The following XKR6 variants were observed in gnomAD, a reference collection of about 807,000 sequenced individuals.
XKR6 encodes the protein XK-related protein 6.
Under a neutral mutation model 56.7 loss-of-function variants are expected in XKR6, and 22 were observed. That is an observed-to-expected ratio of 0.39 (90% CI 0.28 to 0.55). The LOEUF (loss-of-function observed/expected upper bound fraction) is 0.55, where lower values mean the gene tolerates loss of function less well. Ranked by LOEUF, XKR6 falls within the 20% of genes least tolerant of loss-of-function variation. The probability of loss-of-function intolerance (pLI) is 0.66; values close to 1 mark genes in which losing one functional copy is unlikely to be tolerated. For missense variants in XKR6, 852 were observed against 889.0 expected, an observed-to-expected ratio of 0.96 and a Z score of 0.53; for synonymous variants, 524 against 387.8, an observed-to-expected ratio of 1.35 and a Z score of -4.13.
chr8:10,987,427 C>A (rs1483613593), intron 1 of XKR6, among the ~76,000 whole-genome samples: 1 of 152,212 alleles, frequency 6.6e-6, no homozygotes, highest in African/African-American at 2.4e-5. Flanking sequence ...TTTGAATTCT[C>A]TCTCACACAC....
chr8:11,177,864 T>C (rs146561626), intron 1 of XKR6, among the ~76,000 whole-genome samples: 1 of 152,312 alleles, frequency 6.6e-6, no homozygotes, highest in Non-Finnish European at 1.5e-5. Flanking sequence ...ACCCAGTTCC[T>C]GCGATTAAAT....
chr8:11,169,754 T>C (rs928584717), intron 1 of XKR6, among the ~76,000 whole-genome samples: 4 of 152,350 alleles, frequency 2.6e-5, no homozygotes, highest in African/African-American at 9.6e-5. Flanking sequence ...GCCAGTGAAC[T>C]GTACACTTTA....
At position 11,200,646 on chromosome 8, in the gene XKR6, G is replaced by T; in HGVS notation, c.694C>A (p.Arg232Ser). Residue 232 changes from arginine (R) to serine (S), a missense_variant, in exon 1 of 3, where the codon CGC becomes AGC. Transcript: ENST00000416569. The surrounding 1 kb of genome is among the most constrained non-coding windows in gnomAD (Gnocchi z 6.4). ...VRVSPTPGAQ[R>S]LCRLSVWIWQ... is the part of the protein sequence containing the mutation. Reference sequence around the variant, plus strand: ...ATCCACACGGAGAGGCGACACAGGCGCTGCGCCCCCGGCGTGGGGGAGACC... The same window carrying T: ...ATCCACACGGAGAGGCGACACAGGCTCTGCGCCCCCGGCGTGGGGGAGACC... The T allele has an allele frequency of 6.4e-7, 1 of 1,551,690 alleles. No individual in the cohort carries two copies. The highest frequency in any genetic ancestry group is 8.6e-7 in the Non-Finnish European group (1 of 1,159,800).
At position 11,080,276 on chromosome 8, in the gene XKR6, G is replaced by A. The variant is rs944294365; in HGVS notation, c.764+120300C>T. On this transcript the variant is annotated intron_variant, in intron 1 of 2. Transcript: ENST00000416569. ...AGAGCTTCAAGCAAACGAACACAGAGAGATCTCTTCTCACACAATTTGTCC... is the reference window on the plus strand; with the variant it reads ...AGAGCTTCAAGCAAACGAACACAGAAAGATCTCTTCTCACACAATTTGTCC... Among the ~76,000 whole-genome samples, 2 of 152,026 alleles carry A rather than the reference G, an allele frequency of 1.3e-5. 1 individual carries two copies. The highest frequency in any genetic ancestry group is 1.3e-4 in the Admixed American group (2 of 15,260).
intron 1 of XKR6, among the ~76,000 whole-genome samples, chr8:11,122,509 T>C (rs1347238734): frequency 6.6e-6 from 1 of 152,252 alleles, no homozygotes; most frequent in Non-Finnish European, 1.5e-5. Context: ...ACAATTACTG[T>C]CACTGCTGAC....
intron 1 of XKR6, among the ~76,000 whole-genome samples, chr8:11,158,567 T>C (rs1232854579): frequency 6.6e-6 from 1 of 152,186 alleles, no homozygotes; most frequent in African/African-American, 2.4e-5. Context: ...TTTACTTCAT[T>C]AGTCGCCATT....
intron 1 of XKR6, among the ~76,000 whole-genome samples, chr8:11,150,288 A>T (rs1211576762): frequency 6.6e-6 from 1 of 152,194 alleles, no homozygotes; most frequent in Non-Finnish European, 1.5e-5. Flanking sequence ...TACCCCAAAT[A>T]ACCCAACTAG....
intron 1 of XKR6, among the ~76,000 whole-genome samples, chr8:11,074,308 G>T (rs1021837517): frequency 1.3e-5 from 2 of 152,184 alleles, no homozygotes; most frequent in African/African-American, 4.8e-5. Flanking sequence ...CTCTGTCTTA[G>T]GAGCCCCCAC....
chr8:11,055,279 G>A (rs914586707), intron 1 of XKR6, among the ~76,000 whole-genome samples: 2 of 152,114 alleles, frequency 1.3e-5, no homozygotes, highest in African/African-American at 4.8e-5. Context: ...CATGGAGGCT[G>A]CAGGCAGGCC....
At chr8:11,157,656 T>C (rs561652539) in intron 1 of XKR6, among the ~76,000 whole-genome samples, 2 of 152,212 alleles carry the variant, frequency 1.3e-5, no homozygotes, top group South Asian at 4.2e-4. Context: ...GCTAGGGCTA[T>C]AGGTGCATGC....
At chr8:10,948,541 C>G (rs1801617735) in intron 1 of XKR6, among the ~76,000 whole-genome samples, 1 of 152,130 alleles carries the variant, frequency 6.6e-6, no homozygotes, top group African/African-American at 2.4e-5. Context: ...CTCTGCAGAC[C>G]TTGTAGGGCC....
At position 10,945,212 on chromosome 8, in the gene XKR6, G is replaced by A. The variant is rs565295095; in HGVS notation, c.765-20382C>T. 2.1e-4 allele frequency among the ~76,000 whole-genome samples: 32 copies of A among 152,290 alleles called. No homozygotes were observed. The South Asian group carries it at 6.4e-3, about 31-fold the overall frequency. ...AAAAGGCCAAAATGCTGTTGCGCACGGTGGCTCATACCTGCAGTCCCAGCA... is the reference window on the plus strand; with the variant it reads ...AAAAGGCCAAAATGCTGTTGCGCACAGTGGCTCATACCTGCAGTCCCAGCA... On this transcript the variant is annotated intron_variant, in intron 1 of 2. Coordinates refer to ENST00000416569, the MANE Select transcript of XKR6 (RefSeq NM_173683.4).
chr8:11,115,560 G>C (rs1197832536), intron 1 of XKR6, among the ~76,000 whole-genome samples: 3 of 152,062 alleles, frequency 2.0e-5, no homozygotes, highest in Admixed American at 1.3e-4. Flanking sequence ...TAACATTATC[G>C]TTCAATGTTT....
intron 1 of XKR6, among the ~76,000 whole-genome samples, chr8:10,996,274 C>A (rs1586408466): frequency 6.6e-6 from 1 of 152,174 alleles, no homozygotes; most frequent in Non-Finnish European, 1.5e-5. Flanking sequence ...CAGTGGGCCC[C>A]CTCAGCTGCA....
intron 1 of XKR6, chr8:11,137,392 T>G (rs527509417): frequency 2.1e-5 from 7 of 339,966 alleles, no homozygotes; most frequent in African/African-American, 1.5e-4. Flanking sequence ...CTTTCTTCAT[T>G]CACATATTCT....
intron 1 of XKR6, among the ~76,000 whole-genome samples, chr8:11,082,337 G>C (rs1219021436): frequency 6.6e-6 from 1 of 152,184 alleles, no homozygotes; most frequent in African/African-American, 2.4e-5. Context: ...TTACGAATGT[G>C]GGAGCAAGAG....
intron 1 of XKR6, among the ~76,000 whole-genome samples, chr8:11,028,653 G>A (rs1798923500): frequency 6.6e-6 from 1 of 152,090 alleles, no homozygotes; most frequent in Admixed American, 6.5e-5. Context: ...AATCTCACTG[G>A]GGTTCCTACA....
Position 10,937,839 on chromosome 8 carries a change from T to C in XKR6, c.765-13009A>G, listed in dbSNP as rs370691617. On this transcript the variant is annotated intron_variant, in intron 1 of 2. Coordinates refer to ENST00000416569, the MANE Select transcript of XKR6 (RefSeq NM_173683.4). ...CAGGGACATTTAAGTCTGCAGAGAT[T>C]ACTGCTGTCTTTTCGTTTGTCTGTG... is the stretch of plus-strand genomic sequence containing the variant. Among the ~76,000 whole-genome samples the C allele has an allele frequency of 5.9e-5, 9 of 152,118 alleles. No individual in the cohort carries two copies. The South Asian group carries it at 8.3e-4, about 14-fold the overall frequency.
chr8:11,047,532 A>C (rs1799440367), intron 1 of XKR6, among the ~76,000 whole-genome samples: 1 of 152,158 alleles, frequency 6.6e-6, no homozygotes, highest in Admixed American at 6.5e-5. Context: ...AAAAAGACAA[A>C]TTCCACATGA....
Sources: gnomAD v4.1 joint callset for allele counts (sites outside exome capture counted in the v4.1 genomes callset) on GRCh38, gnomAD v4.1.1 for gene constraint, Gnocchi (gnomAD v3.1) non-coding constraint, MANE v1.5 for transcripts, NCBI Gene and HGNC (gene_info 2026-07-23, HGNC 2026-07-21) for gene names.